Variants in TGM5 observed in about 807,000 individuals in gnomAD.
TGM5 encodes protein-glutamine gamma-glutamyltransferase 5.
Under a neutral mutation model 77.2 loss-of-function variants are expected in TGM5, and 69 were observed. The observed-to-expected ratio is 0.89, with a 90% CI of 0.74 to 1.09. The LOEUF (loss-of-function observed/expected upper bound fraction) is 1.09, where lower values mean the gene tolerates loss of function less well. TGM5 is among the 50% of genes least tolerant of loss of function. TGM5 has a pLI of 0.00. For synonymous variants in TGM5, 346 were observed against 351.8 expected, an observed-to-expected ratio of 0.98 and a Z score of 0.18; for missense variants, 842 against 896.5, an observed-to-expected ratio of 0.94 and a Z score of 0.78.
At position 43,252,928 on chromosome 15, in the gene TGM5, G is replaced by A. The variant is rs1447240582; in HGVS notation, c.693C>T (p.Ser231=). ...CATTGAGCACCCCATTATCATCATT[G>A]CTGTTGATCTGAAGAGAAGCCATAT... The part of the protein sequence containing the change: ...VSRVVCAMIN[S]NDDNGVLNGN... The change falls in exon 6 of 13, where the codon AGC becomes AGT. Residue 231 remains serine (S), a synonymous_variant. Transcript: ENST00000220420. 2 of 1,612,990 alleles carry A rather than the reference G, an allele frequency of 1.2e-6. No homozygotes were observed. The highest frequency in any genetic ancestry group is 2.2e-5 in the South Asian group (2 of 91,078).
At position 43,235,617 on chromosome 15, in the gene TGM5, A is replaced by G; in HGVS notation, c.1566T>C (p.Asp522=). Reference sequence around the variant, plus strand: ...TGAGGGCCAGCAGGACAAAGCATATATCCTGGCCCATGTTGGGCGGGTCGA... The same window carrying G: ...TGAGGGCCAGCAGGACAAAGCATATGTCCTGGCCCATGTTGGGCGGGTCGA... ...KLLDPPNMGQ[D]ICFVLLALNM... The change falls in exon 10 of 13, where the codon GAT becomes GAC. Residue 522 remains aspartate, a synonymous_variant. Transcript: ENST00000220420. The G allele has an allele frequency of 6.2e-7, 1 of 1,614,170 alleles. No homozygotes were observed. Among genetic ancestry groups the G allele is most frequent in the Non-Finnish European group, 8.5e-7 (1 of 1,180,026 alleles).
At chr15:43,239,323 CAAGG>C in intron 7 of TGM5, 57 bp from the exon 8 acceptor site, 1 of 1,554,540 alleles carries the variant, frequency 6.4e-7, no homozygotes, top group South Asian at 1.1e-5. Flanking sequence ...TAGAACAAGG[CAAGG>C]GAGGGATGAG....
In TGM5 at chr15:43,238,978, A is replaced by T; in HGVS notation, c.1184T>A (p.Val395Glu). 2 of 1,614,136 alleles carry T rather than the reference A, an allele frequency of 1.2e-6. No individual in the cohort carries two copies. The highest frequency in any genetic ancestry group is 1.7e-6 in the Non-Finnish European group (2 of 1,180,024). The change falls in exon 9 of 13, where the codon GTG (valine) becomes GAG (glutamate). Residue 395 changes from valine (V) to glutamate (E), a missense_variant. This residue lies in a region of TGM5 where 815 missense variants were observed against 844.6 expected (regional missense o/e 0.96). Transcript: ENST00000220420. The stretch of plus-strand genomic sequence containing the variant: ...GCAGTCAGCATTCACCATCGAAAAC[A>T]CAAAGGGCGTGTCATAGTTCAGGTC... Reference protein sequence around the residue: ...EVDLNYDTPFVFSMVNADCMS... With the variant: ...EVDLNYDTPFEFSMVNADCMS...
At chr15:43,238,327 C>T (rs1473650107) in intron 9 of TGM5, among the ~76,000 whole-genome samples, 6 of 152,206 alleles carry the variant, frequency 3.9e-5, no homozygotes, top group Non-Finnish European at 7.3e-5. Context: ...AACACAGCCT[C>T]CCCTGTGACC....
At chr15:43,265,091 T>C (rs2042815653) in intron 1 of TGM5, among the ~76,000 whole-genome samples, 1 of 152,238 alleles carries the variant, frequency 6.6e-6, no homozygotes, top group Non-Finnish European at 1.5e-5. Context: ...CTGTGCCAGG[T>C]ACGCTAGGAC....
rs541037062 is a variant in TGM5, at chr15:43,241,041, G to A, written c.863-51C>T. 1.2e-4 allele frequency: 187 copies of A among 1,612,076 alleles called. No homozygotes were observed. In the East Asian group the frequency reaches 3.4e-3, roughly 29 times the overall value. ...CCTGTGAGCTGTAGATTCCGGACCC[G>A]TATATTCCTGGACTTTGGGGCCTGG... On this transcript the variant is annotated intron_variant, in intron 6 of 12. Coordinates refer to ENST00000220420, the MANE Select transcript of TGM5 (RefSeq NM_201631.4).
intron 6 of TGM5, among the ~76,000 whole-genome samples, chr15:43,247,019 G>A (rs1000049315): frequency 8.5e-5 from 13 of 152,056 alleles, no homozygotes; most frequent in African/African-American, 2.4e-4. Flanking sequence ...TTAGCCGGGC[G>A]TGGTGTTGGG....
Position 43,240,883 on chromosome 15 carries a change from T to C in TGM5, c.970A>G (p.Ile324Val). Reference sequence around the variant, plus strand: ...GTATCCTTCTTCTTATTCCCCAAAATCCTGCCTGTGTTGTCATAATACTCA... The same window carrying C: ...GTATCCTTCTTCTTATTCCCCAAAACCCTGCCTGTGTTGTCATAATACTCA... ...IDEYYDNTGR[I>V]LGNKKKDTIW... Residue 324 changes from isoleucine (I) to valine (V), a missense_variant, in exon 7 of 13, where the codon ATT (isoleucine) becomes GTT (valine). Around this residue, in one of 2 missense-constraint regions of TGM5, gnomAD observed 815 missense variants for 844.6 expected, o/e 0.96. Coordinates refer to ENST00000220420, the MANE Select transcript of TGM5 (RefSeq NM_201631.4). 6.2e-7 allele frequency: 1 copy of C among 1,614,184 alleles called. No individual in the cohort carries two copies. Among genetic ancestry groups the C allele is most frequent in the Non-Finnish European group, 8.5e-7 (1 of 1,180,024 alleles).
chr15:43,256,645 A>G lies in TGM5; in HGVS notation c.478T>C (p.Tyr160His), dbSNP rs769035105. Residue 160 changes from tyrosine (Y) to histidine (H), a missense_variant, in exon 4 of 13, where the codon TAT (tyrosine) becomes CAT (histidine). Physicochemically the swap from Tyr to His is moderately conservative, Grantham distance 83. Around this residue, in one of 2 missense-constraint regions of TGM5, gnomAD observed 815 missense variants for 844.6 expected, o/e 0.96. Transcript: ENST00000220420. ...ATGAAGCCATAATCATTCATGACAT[A>G]CTCCTGCCTCTGGGGTTCACTGTCC... ...YLDSEPQRQE[Y>H]VMNDYGFIYQ... 1.2e-6 allele frequency: 2 copies of G among 1,613,354 alleles called. No homozygotes were observed. Among genetic ancestry groups the G allele is most frequent in the Admixed American group, 1.7e-5 (1 of 59,914 alleles).
intron 9 of TGM5, 67 bp downstream of exon 9, chr15:43,238,750 G>T: frequency 1.3e-6 from 2 of 1,592,586 alleles, no homozygotes; most frequent in Non-Finnish European, 1.7e-6. Flanking sequence ...ATGCTCTCTG[G>T]CTCCCTGGGG....
chr15:43,246,348 C>T (rs537918594), intron 6 of TGM5, among the ~76,000 whole-genome samples: 25 of 152,254 alleles, frequency 1.6e-4, no homozygotes, highest in African/African-American at 5.8e-4. Context: ...CCTGTAGCCT[C>T]GTCCCCCGCC....
At chr15:43,265,953 A>ATCTCATATTG (rs879339170) in intron 1 of TGM5, among the ~76,000 whole-genome samples, 254 of 152,336 alleles carry the variant, frequency 1.7e-3, no homozygotes, top group Non-Finnish European at 2.6e-3. Flanking sequence ...CAATATGATG[A>ATCTCATATTG]TACCATGGAT....
chr15:43,260,612 G>A, intron 1 of TGM5, 33 bp from the exon 2 acceptor site: 5 of 1,613,098 alleles, frequency 3.1e-6, no homozygotes, highest in Non-Finnish European at 4.2e-6. Context: ...AGACAAAATA[G>A]TGGGGTTGTG....
In TGM5 at chr15:43,233,170, T is replaced by A. The variant is rs769451247; in HGVS notation, c.*21A>T. 9 of 1,613,810 alleles carry A rather than the reference T, an allele frequency of 5.6e-6. No homozygotes were observed. The highest frequency in any genetic ancestry group is 6.8e-6 in the Non-Finnish European group (8 of 1,179,984). On this transcript the variant is annotated 3_prime_UTR_variant, in exon 13 of 13. Transcript: ENST00000220420. ...TTTCCTGAAGCTTGAAATTCACACG[T>A]CTGGCGCGTTGTTCCAGAATTTATA...
chr15:43,235,427 G>A (rs377004607), intron 10 of TGM5, 42 bp downstream of exon 10: 20 of 1,613,606 alleles, frequency 1.2e-5, no homozygotes, highest in Non-Finnish European at 1.6e-5. Context: ...CACTGACATT[G>A]CCAAAACCAA....
chr15:43,254,207 C>A (rs1385912708), intron 4 of TGM5, among the ~76,000 whole-genome samples: 1 of 152,228 alleles, frequency 6.6e-6, no homozygotes, highest in Non-Finnish European at 1.5e-5. Context: ...GAGGCCTTCC[C>A]CGAGCCTGAG....
At chr15:43,263,685 C>T (rs1596453462) in intron 1 of TGM5, among the ~76,000 whole-genome samples, 1 of 152,306 alleles carries the variant, frequency 6.6e-6, no homozygotes, top group African/African-American at 2.4e-5. Flanking sequence ...AAGACCTAAA[C>T]ATAAAAGCTA....
At chr15:43,256,505 G>T in intron 4 of TGM5, 63 bp downstream of exon 4, 1 of 1,255,988 alleles carries the variant, frequency 8.0e-7, no homozygotes, top group Non-Finnish European at 1.2e-6. Flanking sequence ...GCTCACATGT[G>T]CCCTGCTCCC....
At chr15:43,234,953 G>C (rs980677195) in intron 10 of TGM5, 24 bp from the exon 11 acceptor site, 4 of 1,612,958 alleles carry the variant, frequency 2.5e-6, no homozygotes, top group Admixed American at 3.3e-5. Context: ...ACAAGGATGG[G>C]GTGAGAGTAG....
Sources: gnomAD v4.1 joint callset for allele counts (sites outside exome capture counted in the v4.1 genomes callset) on GRCh38, gnomAD v4.1.1 for gene constraint, gnomAD v4.1.1 regional missense constraint, MANE v1.5 for transcripts, NCBI Gene and HGNC (gene_info 2026-07-23, HGNC 2026-07-21) for gene names.